Variants in PAM observed in about 807,000 individuals in gnomAD.
The protein encoded by PAM is peptidyl-glycine alpha-amidating monooxygenase.
In PAM, 72 loss-of-function variants were observed where a neutral mutation model predicts 122.1. The observed-to-expected ratio is 0.59, with a 90% CI of 0.49 to 0.72. PAM has a LOEUF of 0.72. Among genes scored for constraint, PAM ranks in the 30% least tolerant of loss-of-function variants. PAM has a pLI of 0.00. For synonymous variants in PAM, 389 were observed against 404.4 expected, an observed-to-expected ratio of 0.96 and a Z score of 0.46; for missense variants, 1,106 against 1,183.7, an observed-to-expected ratio of 0.93 and a Z score of 0.96.
intron 1 of PAM, among the ~76,000 whole-genome samples, chr5:102,779,014 G>GCTT (rs1757897596): frequency 6.6e-6 from 1 of 152,050 alleles, no homozygotes; most frequent in South Asian, 2.1e-4. Context: ...AACCTGATGG[G>GCTT]CTTCTCTCTG....
intron 5 of PAM, 73 bp downstream of exon 5, chr5:102,914,094 A>T: frequency 1.3e-6 from 1 of 782,888 alleles, no homozygotes; most frequent in Non-Finnish European, 2.3e-6. Context: ...TATCTGTGCA[A>T]GTATTTTACA....
At chr5:102,982,130 C>T (rs537108296) in intron 15 of PAM, among the ~76,000 whole-genome samples, 6 of 152,136 alleles carry the variant, frequency 3.9e-5, no homozygotes, top group South Asian at 2.1e-4. Context: ...AGGATTCACC[C>T]GCCCTGTCTA....
chr5:102,971,440 T>G (rs1194901039), intron 14 of PAM, among the ~76,000 whole-genome samples: 2 of 152,162 alleles, frequency 1.3e-5, no homozygotes, highest in Admixed American at 1.3e-4. Context: ...GATGTGTATT[T>G]GAATTGAGGA....
chr5:102,810,156 T>C (rs1767469415), intron 1 of PAM, among the ~76,000 whole-genome samples: 1 of 152,186 alleles, frequency 6.6e-6, no homozygotes, highest in Admixed American at 6.5e-5. Flanking sequence ...GGTGACATAA[T>C]TTAATTTCTT....
chr5:102,989,300 T>A (rs970759681), intron 15 of PAM, among the ~76,000 whole-genome samples: 1 of 152,110 alleles, frequency 6.6e-6, no homozygotes, highest in African/African-American at 2.4e-5. Flanking sequence ...GCCCAGGAAT[T>A]GGAGACCATC....
chr5:103,003,469 A>C (rs533139862), intron 17 of PAM, among the ~76,000 whole-genome samples: 51 of 152,266 alleles, frequency 3.3e-4, no homozygotes, highest in African/African-American at 1.2e-3. Flanking sequence ...TCACCTCAAA[A>C]ATGTTAGGTA....
chr5:102,980,180 T>C (rs532989049), intron 15 of PAM, among the ~76,000 whole-genome samples: 45 of 152,150 alleles, frequency 3.0e-4, no homozygotes, highest in Non-Finnish European at 5.4e-4. Context: ...TTAGAGCAAC[T>C]GACAAAGTTG....
chr5:102,763,673 A>G (rs1360162867), intron 1 of PAM, among the ~76,000 whole-genome samples: 2 of 152,192 alleles, frequency 1.3e-5, no homozygotes, highest in African/African-American at 4.8e-5. Context: ...AGTGTTCCAG[A>G]AAGCAGAGAG....
chr5:102,798,649 T>C (rs961347070), intron 1 of PAM, among the ~76,000 whole-genome samples: 8 of 152,152 alleles, frequency 5.3e-5, no homozygotes, highest in Non-Finnish European at 1.0e-4. Context: ...TAACCACTGA[T>C]AGGTATAGTG....
chr5:103,009,622 C>A (rs142097526), intron 20 of PAM, 129 bp from the exon 21 acceptor site: 223 of 588,204 alleles, frequency 3.8e-4, no homozygotes, highest in African/African-American at 3.7e-3. Flanking sequence ...ATTTTATATT[C>A]TACTTTTGTT....
chr5:102,865,888 T>G lies in PAM; in HGVS notation c.-308T>G, dbSNP rs1429410147. The G allele has an allele frequency of 1.8e-5, 6 of 331,124 alleles. No homozygotes were observed. In the Admixed American group the frequency reaches 2.6e-4, roughly 14 times the overall value. 20.5% of individuals were successfully genotyped at this position (331,124 alleles called of 1,614,324 possible). On this transcript the variant is annotated 5_prime_UTR_variant, in exon 2 of 26. Transcript: ENST00000438793. ...CACAGCCCCTGTCATTCCGGAGTCATAAGGCACCCGCGCGTCTAGCCCCAG... is the reference window on the plus strand; with the variant it reads ...CACAGCCCCTGTCATTCCGGAGTCAGAAGGCACCCGCGCGTCTAGCCCCAG...
intron 3 of PAM, among the ~76,000 whole-genome samples, chr5:102,881,537 T>C (rs891634779): frequency 2.0e-5 from 3 of 152,078 alleles, no homozygotes; most frequent in Non-Finnish European, 4.4e-5. Context: ...AAACTACTCA[T>C]ATCCTTAAAA....
chr5:102,998,223 G>A (rs1776293639), intron 16 of PAM, among the ~76,000 whole-genome samples: 1 of 152,106 alleles, frequency 6.6e-6, no homozygotes. Flanking sequence ...TAGGAATGAT[G>A]GTGAATATTT....
At chr5:103,028,541 T>C (rs970940773) in intron 25 of PAM, among the ~76,000 whole-genome samples, 2 of 152,226 alleles carry the variant, frequency 1.3e-5, no homozygotes, top group Non-Finnish European at 2.9e-5. Flanking sequence ...GGCATGTCAA[T>C]GTTTGTCATA....
At chr5:102,883,870 A>T (rs1444234482) in intron 3 of PAM, among the ~76,000 whole-genome samples, 3 of 151,870 alleles carry the variant, frequency 2.0e-5, no homozygotes, top group Non-Finnish European at 4.4e-5. Flanking sequence ...GGCTTTTATT[A>T]ATTTAAGATA....
At chr5:103,003,241 A>G in intron 17 of PAM, 92 bp downstream of exon 17, 1 of 618,060 alleles carries the variant, frequency 1.6e-6, no homozygotes. Context: ...TGTTTTGTAT[A>G]ACTGCACTTG....
chr5:102,808,630 T>C (rs1227589911), intron 1 of PAM, among the ~76,000 whole-genome samples: 2 of 152,230 alleles, frequency 1.3e-5, no homozygotes, highest in Non-Finnish European at 2.9e-5. Flanking sequence ...TTTTACCCAG[T>C]TTAAATGATA....
At chr5:102,806,927 G>A (rs17154746) in intron 1 of PAM, among the ~76,000 whole-genome samples, 2 of 152,178 alleles carry the variant, frequency 1.3e-5, no homozygotes, top group East Asian at 1.9e-4. Flanking sequence ...ATTGTTATAC[G>A]TTTGCGCACT....
At chr5:102,999,026 T>G (rs1205806444) in intron 16 of PAM, among the ~76,000 whole-genome samples, 1 of 152,286 alleles carries the variant, frequency 6.6e-6, no homozygotes, top group Non-Finnish European at 1.5e-5. Context: ...AAAACGTCCT[T>G]CACATGATGG....
Sources: allele counts gnomAD v4.1 joint callset (sites outside exome capture counted in the v4.1 genomes callset), GRCh38; gene constraint gnomAD v4.1.1; transcripts MANE v1.5; gene names NCBI Gene and HGNC (gene_info 2026-07-23, HGNC 2026-07-21).